TNPO3: variants seen among roughly 807,000 people sequenced by gnomAD.
TNPO3 encodes the protein transportin-3.
In TNPO3, 65 loss-of-function variants were observed where a neutral mutation model predicts 122.8. The ratio of observed to expected loss-of-function variants is 0.53; its 90% CI spans 0.43 to 0.65. The LOEUF (loss-of-function observed/expected upper bound fraction) is 0.65, where lower values mean the gene tolerates loss of function less well. Among genes scored for constraint, TNPO3 ranks in the 30% least tolerant of loss-of-function variants. The probability of loss-of-function intolerance (pLI) is 0.00; values close to 1 mark genes in which losing one functional copy is unlikely to be tolerated. For missense variants in TNPO3, 850 were observed against 1,136.7 expected (o/e 0.75, Z 3.63); for synonymous variants, 372 against 411.2 (o/e 0.90, Z 1.15).
chr7:129,030,956 A>T (rs1385458083), intron 1 of TNPO3, among the ~76,000 whole-genome samples: 1 of 152,188 alleles, frequency 6.6e-6, no homozygotes, highest in East Asian at 1.9e-4. Context: ...TAACAACAAC[A>T]ACAACAAAAT....
chr7:128,992,141 C>T (rs1360092290), intron 9 of TNPO3, 51 bp from the exon 10 acceptor site: 9 of 962,624 alleles, frequency 9.3e-6, no homozygotes, highest in Admixed American at 2.5e-5. Flanking sequence ...AACAGAATGC[C>T]AAAACAAACA....
chr7:129,046,447 C>G (rs1462181964), intron 1 of TNPO3, among the ~76,000 whole-genome samples: 1 of 152,090 alleles, frequency 6.6e-6, no homozygotes, highest in Non-Finnish European at 1.5e-5. Context: ...GAAGGCTTTC[C>G]TTTCAAAAGC....
At chr7:129,056,173 C>G (rs1050245727), upstream of TNPO3, 7 of 905,636 alleles carry the variant, frequency 7.7e-6, no homozygotes, top group Non-Finnish European at 9.3e-6. Flanking sequence ...AACGAGTTGG[C>G]CCGGCAGAAG....
At chr7:129,001,377 C>T in intron 5 of TNPO3, 143 bp from the exon 6 acceptor site, 1 of 674,920 alleles carries the variant, frequency 1.5e-6, no homozygotes, top group Non-Finnish European at 2.3e-6. Flanking sequence ...ATGAAAAACA[C>T]AAATTTAAAA....
intron 16 of TNPO3, among the ~76,000 whole-genome samples, chr7:128,978,016 T>C (rs767792566): frequency 1.4e-4 from 22 of 152,162 alleles, no homozygotes; most frequent in Admixed American, 1.3e-4. Flanking sequence ...CCTGGAGCTC[T>C]GTGACTGTTT....
intron 4 of TNPO3, among the ~76,000 whole-genome samples, chr7:129,011,844 G>C (rs759498572): frequency 7.3e-4 from 111 of 152,050 alleles, no homozygotes; most frequent in Non-Finnish European, 1.4e-3. Context: ...ATGTATTAAA[G>C]GGTTAACTGT....
chr7:128,997,316 C>T, intron 8 of TNPO3, 73 bp downstream of exon 8: 2 of 1,551,832 alleles, frequency 1.3e-6, no homozygotes, highest in Non-Finnish European at 1.8e-6. Context: ...TATCTATCTT[C>T]TCAGTTCCTT....
intron 13 of TNPO3, among the ~76,000 whole-genome samples, 174 bp downstream of exon 13, chr7:128,983,994 C>A (rs1799896745): frequency 6.6e-6 from 1 of 152,126 alleles, no homozygotes; most frequent in Non-Finnish European, 1.5e-5. Flanking sequence ...TCTATTAATT[C>A]TGAAATATTT....
chr7:129,002,712 A>G (rs1802077682), intron 5 of TNPO3, among the ~76,000 whole-genome samples: 1 of 152,074 alleles, frequency 6.6e-6, no homozygotes, highest in South Asian at 2.1e-4. Flanking sequence ...AGGTCAGGAG[A>G]TCGAGACCAT....
intron 1 of TNPO3, among the ~76,000 whole-genome samples, chr7:129,052,580 T>C (rs999649540): frequency 6.6e-6 from 1 of 152,216 alleles, no homozygotes; most frequent in African/African-American, 2.4e-5. Context: ...TATTGGAAAG[T>C]AAGGAGAGAA....
intron 1 of TNPO3, among the ~76,000 whole-genome samples, chr7:129,020,506 T>C (rs1804359880): frequency 6.6e-6 from 1 of 152,212 alleles, no homozygotes; most frequent in South Asian, 2.1e-4. Flanking sequence ...AATGGCACGA[T>C]CTCAGCTCAT....
At chr7:128,958,320 T>C (rs1003697045) in intron 21 of TNPO3, among the ~76,000 whole-genome samples, 2 of 152,026 alleles carry the variant, frequency 1.3e-5, no homozygotes, top group African/African-American at 4.8e-5. Context: ...TTTTTTTGTA[T>C]TTTTAGTAGA....
intron 8 of TNPO3, among the ~76,000 whole-genome samples, chr7:128,994,804 T>C (rs766572786): frequency 3.9e-5 from 6 of 152,128 alleles, no homozygotes; most frequent in Non-Finnish European, 7.4e-5. Context: ...ACTATAGGCA[T>C]GCACCACCAC....
intron 1 of TNPO3, among the ~76,000 whole-genome samples, chr7:129,020,752 A>C (rs1027236770): frequency 2.6e-5 from 4 of 152,138 alleles, no homozygotes; most frequent in Non-Finnish European, 5.9e-5. Flanking sequence ...ATATATTTTT[A>C]AATAGCAAAA....
rs201842578 is a variant in TNPO3 at position 128,982,275 on chromosome 7, A to C, written c.1832T>G (p.Phe611Cys). The change falls in exon 14 of 23, where the codon TTC (phenylalanine) becomes TGC (cysteine). Residue 611 changes from phenylalanine to cysteine, a missense_variant. Physicochemically the swap from Phe to Cys is radical, Grantham distance 205. Transcript: ENST00000265388. Reference sequence around the variant, plus strand: ...AAATATCACTGCAAGGCGATCTAAGAACACTGTGGGATCTGAGGATATGCC... The same window carrying C: ...AAATATCACTGCAAGGCGATCTAAGCACACTGTGGGATCTGAGGATATGCC... Reference protein sequence around the residue: ...SNGISSDPTVFLDRLAVIFRH... With the variant: ...SNGISSDPTVCLDRLAVIFRH... 1.1e-5 allele frequency: 17 copies of C among 1,613,440 alleles called. No individual in the cohort carries two copies. The highest frequency in any genetic ancestry group is 1.7e-4 in the Middle Eastern group (1 of 6,058).
At chr7:129,003,637 C>A (rs1802249580) in intron 5 of TNPO3, among the ~76,000 whole-genome samples, 1 of 152,062 alleles carries the variant, frequency 6.6e-6, no homozygotes, top group African/African-American at 2.4e-5. Context: ...TGGAGCTACT[C>A]CAGTCTGGAC....
rs1024682543 is a variant in TNPO3, at chr7:129,054,880, T to C, written c.-110A>G. 10 of 1,441,424 alleles carry C rather than the reference T, an allele frequency of 6.9e-6. No individual in the cohort carries two copies. Among genetic ancestry groups the C allele is most frequent in the East Asian group, 2.3e-5 (1 of 42,636 alleles). 89.3% of individuals were successfully genotyped at this position (1,441,424 alleles called of 1,614,324 possible). A position where few individuals can be genotyped will look rare whatever the true frequency, so the allele number is the denominator to read the frequency against. On this transcript the variant is annotated 5_prime_UTR_variant, in exon 1 of 23. Coordinates refer to ENST00000265388, the MANE Select transcript of TNPO3 (RefSeq NM_012470.4). ...GTCTGGGCCACGGCCGCTCCCTGAC[T>C]GGCGCCATCTCCTCCTCTTTGGCCG...
rs1352248530 is a variant in TNPO3 at position 129,054,785 on chromosome 7, T to TGGCGGTAGC, written c.-24_-16dup. Reference sequence around the variant, plus strand: ...GCTCCTTCCATGGTGGTGGCGGTAGTGGCGGTAGCGACGGCTCTGATTCTT... The same window carrying TGGCGGTAGC: ...GCTCCTTCCATGGTGGTGGCGGTAGTGGCGGTAGCGGCGGTAGCGACGGCTCTGATTCTT... On this transcript the variant is annotated 5_prime_UTR_variant, in exon 1 of 23. Coordinates refer to ENST00000265388, the MANE Select transcript of TNPO3 (RefSeq NM_012470.4). The TGGCGGTAGC allele has an allele frequency of 2.5e-6, 4 of 1,613,918 alleles. No individual in the cohort carries two copies. The African/African-American group carries it at 4.0e-5, about 16-fold the overall frequency.
intron 1 of TNPO3, among the ~76,000 whole-genome samples, chr7:129,038,014 G>A (rs1279939534): frequency 2.0e-5 from 3 of 152,112 alleles, no homozygotes; most frequent in African/African-American, 7.2e-5. Context: ...GGGTAGACCA[G>A]GGCAACAGAG....
Sources: gnomAD v4.1 joint callset for allele counts (sites outside exome capture counted in the v4.1 genomes callset) on GRCh38, gnomAD v4.1.1 for gene constraint, MANE v1.5 for transcripts, NCBI Gene and HGNC (gene_info 2026-07-23, HGNC 2026-07-21) for gene names.